Variants in DENND4B observed in about 807,000 individuals in gnomAD.
DENND4B encodes DENN domain-containing protein 4B.
DENND4B carries 67 observed loss-of-function variants against 161.0 expected under a neutral mutation model. That is an observed-to-expected ratio of 0.42 (90% CI 0.34 to 0.51). The LOEUF (loss-of-function observed/expected upper bound fraction) is 0.51. Among genes scored for constraint, DENND4B ranks in the 20% least tolerant of loss-of-function variants. The pLI is 0.08. For synonymous variants in DENND4B, 753 were observed against 813.8 expected (o/e 0.93, Z 1.27); for missense variants, 1,481 against 1,968.0 (o/e 0.75, Z 4.68).
rs773880379 is a variant in DENND4B, at chr1:153,942,014, C to T, written c.910G>A (p.Gly304Ser). The change falls in exon 6 of 28, where the codon GGT becomes AGT. Residue 304 changes from glycine to serine, a missense_variant. Gly to Ser is a moderately conservative substitution (Grantham distance 56). Coordinates refer to ENST00000361217, the MANE Select transcript of DENND4B (RefSeq NM_014856.3). This position sits in a 1 kb window ranked among gnomAD's most constrained non-coding sequence, Gnocchi z 6.9. Reference sequence around the variant, plus strand: ...ACAGCTCTGCCCCCCAGTGCCCGACCCCGCTCCACGGCGCTCAGCAGGCCC... The same window carrying T: ...ACAGCTCTGCCCCCCAGTGCCCGACTCCGCTCCACGGCGCTCAGCAGGCCC... ...ALGLLSAVERGRALGGRAVRS... is the reference protein window; with the variant it reads ...ALGLLSAVERSRALGGRAVRS... 5.0e-6 allele frequency: 8 copies of T among 1,611,792 alleles called. No individual in the cohort carries two copies. Among genetic ancestry groups the T allele is most frequent in the Non-Finnish European group, 5.9e-6 (7 of 1,179,204 alleles).
At chr1:153,946,810 G>A (rs901121031), upstream of DENND4B, 1 of 358,528 alleles carries the variant, frequency 2.8e-6, no homozygotes, top group African/African-American at 2.1e-5. This position sits in a 1 kb window ranked among gnomAD's most constrained non-coding sequence, Gnocchi z 6.3. Context: ...CCGTGCCTCA[G>A]GACACTGACC....
At position 153,944,354 on chromosome 1, in the gene DENND4B, G is replaced by T; in HGVS notation, c.21C>A (p.Pro7=). 1 of 1,607,698 alleles carries T rather than the reference G, an allele frequency of 6.2e-7. No homozygotes were observed. The highest frequency in any genetic ancestry group is 1.1e-5 in the South Asian group (1 of 90,376). The change falls in exon 2 of 28, where the codon CCC becomes CCA. Residue 7 remains proline, a synonymous_variant. Coordinates refer to ENST00000361217, the MANE Select transcript of DENND4B (RefSeq NM_014856.3). This position sits in a 1 kb window ranked among gnomAD's most constrained non-coding sequence, Gnocchi z 4.8. ...CTACCACGAAGTAATCCACCAGCCGGGGGGGCCGCTCCTCCGCCATGGCCC... is the reference window on the plus strand; with the variant it reads ...CTACCACGAAGTAATCCACCAGCCGTGGGGGCCGCTCCTCCGCCATGGCCC... MAEERP[P]RLVDYFVVAG... is the part of the protein sequence containing the mutation.
chr1:153,944,500 A>G lies in DENND4B; in HGVS notation c.-23-103T>C, dbSNP rs1257877668. 1.6e-6 allele frequency: 2 copies of G among 1,252,262 alleles called. No individual in the cohort carries two copies. The highest frequency in any genetic ancestry group is 3.1e-5 in the African/African-American group (2 of 65,472). The allele number at this position is 1,252,262 out of a possible 1,614,324, so 77.6% of individuals were successfully genotyped here. A position where few individuals can be genotyped will look rare whatever the true frequency, so the allele number is the denominator to read the frequency against. The stretch of plus-strand genomic sequence containing the variant: ...CCTCCTCTTCCTAGTCCTTCCAAAG[A>G]AAGGCAGGATAAGGGGTCGGCCAAT... On this transcript the variant is annotated intron_variant, in intron 1 of 27. Transcript: ENST00000361217. The surrounding 1 kb of genome is among the most constrained non-coding windows in gnomAD (Gnocchi z 4.8).
Position 153,932,142 on chromosome 1 carries a change from G to T in DENND4B, c.3996+62C>A. 6.9e-7 allele frequency: 1 copy of T among 1,455,340 alleles called. No homozygotes were observed. Among genetic ancestry groups the T allele is most frequent in the South Asian group, 1.2e-5 (1 of 80,972 alleles). The allele number at this position is 1,455,340 out of a possible 1,614,324, so 90.2% of individuals were successfully genotyped here. On this transcript the variant is annotated intron_variant, in intron 24 of 27. Transcript: ENST00000361217. The surrounding 1 kb of genome is among the most constrained non-coding windows in gnomAD (Gnocchi z 5.8). The stretch of plus-strand genomic sequence containing the variant: ...CTTTCTACAGTGCCAAGGACACAGT[G>T]GACAAATGGCTGAGAGATGAGGGAG...
upstream of DENND4B, chr1:153,946,776 C>A (rs575551376): frequency 3.2e-4 from 119 of 371,104 alleles, no homozygotes; most frequent in Non-Finnish European, 5.4e-4. This position sits in a 1 kb window ranked among gnomAD's most constrained non-coding sequence, Gnocchi z 6.3. Flanking sequence ...CCCCCTGCAC[C>A]CAGGTAGCTT....
rs1292744625 is a variant in DENND4B, at chr1:153,943,140, G to C, written c.318-10C>G. On this transcript the variant is annotated splice_polypyrimidine_tract_variant and intron_variant, in intron 2 of 27. Coordinates refer to ENST00000361217, the MANE Select transcript of DENND4B (RefSeq NM_014856.3). ...CCCCTCATACAACACCCTTGGCACA[G>C]AGAGCAAAGATAGATGTTGAGAGGT... 1 of 1,607,736 alleles carries C rather than the reference G, an allele frequency of 6.2e-7. No homozygotes were observed. The highest frequency in any genetic ancestry group is 1.1e-5 in the South Asian group (1 of 90,600).
chr1:153,932,608 C>G lies in DENND4B; in HGVS notation c.3759+34G>C. On this transcript the variant is annotated intron_variant, in intron 23 of 27. Coordinates refer to ENST00000361217, the MANE Select transcript of DENND4B (RefSeq NM_014856.3). This position sits in a 1 kb window ranked among gnomAD's most constrained non-coding sequence, Gnocchi z 5.8. ...CACAGGCCCCACACAGGGCAACATT[C>G]CCGTTCCTCATGCCCCTTTGGCCCA... The G allele has an allele frequency of 1.9e-6, 3 of 1,596,158 alleles. No homozygotes were observed. Among genetic ancestry groups the G allele is most frequent in the East Asian group, 2.2e-5 (1 of 44,564 alleles).
chr1:153,941,775 GCCCTCCC>G, intron 6 of DENND4B, 87 bp downstream of exon 6: 2 of 1,338,172 alleles, frequency 1.5e-6, no homozygotes, highest in Non-Finnish European at 2.1e-6. Context: ...CCTGTGCCCA[GCCCTCCC>G]CCCACCCACA....
chr1:153,937,639 T>A lies in DENND4B; in HGVS notation c.2106-25A>T. 6.2e-7 allele frequency: 1 copy of A among 1,611,716 alleles called. No individual in the cohort carries two copies. The highest frequency in any genetic ancestry group is 1.1e-5 in the South Asian group (1 of 90,924). On this transcript the variant is annotated intron_variant, in intron 14 of 27. Transcript: ENST00000361217. This position sits in a 1 kb window ranked among gnomAD's most constrained non-coding sequence, Gnocchi z 4.7. Reference sequence around the variant, plus strand: ...GCTGGAGGGGCAGAGAGAAGCAACATCGGGGCAGTCAGCACAGGGCGAAGC... The same window carrying A: ...GCTGGAGGGGCAGAGAGAAGCAACAACGGGGCAGTCAGCACAGGGCGAAGC...
chr1:153,935,933 G>T, intron 17 of DENND4B, 127 bp downstream of exon 17: 1 of 1,212,726 alleles, frequency 8.2e-7, no homozygotes, highest in Non-Finnish European at 1.2e-6. Flanking sequence ...CAATGTGGAT[G>T]ACAGTGGTTC....
Position 153,942,467 on chromosome 1 carries a change from ACT to A in DENND4B, c.640+87_640+88del. On this transcript the variant is annotated intron_variant, in intron 4 of 27. Coordinates refer to ENST00000361217, the MANE Select transcript of DENND4B (RefSeq NM_014856.3). This position sits in a 1 kb window ranked among gnomAD's most constrained non-coding sequence, Gnocchi z 6.9. ...GGCCCGAGTAGCAAAGAGAAAGTAAACTCTGGGGACACTTAAGGTGCCTGCCA... is the reference window on the plus strand; with the variant it reads ...GGCCCGAGTAGCAAAGAGAAAGTAAACTGGGGACACTTAAGGTGCCTGCCA... The A allele has an allele frequency of 6.4e-7, 1 of 1,561,978 alleles. No individual in the cohort carries two copies. The highest frequency in any genetic ancestry group is 8.7e-7 in the Non-Finnish European group (1 of 1,152,356).
upstream of DENND4B, chr1:153,946,788 C>T (rs543509910): frequency 3.5e-4 from 130 of 367,308 alleles, no homozygotes; most frequent in African/African-American, 2.4e-3. This position sits in a 1 kb window ranked among gnomAD's most constrained non-coding sequence, Gnocchi z 6.3. Flanking sequence ...AGGTAGCTTC[C>T]CACCATCCAG....
At chr1:153,939,828 G>T in intron 11 of DENND4B, 24 bp from the exon 12 acceptor site, 1 of 1,608,838 alleles carries the variant, frequency 6.2e-7, no homozygotes, top group South Asian at 1.1e-5. Context: ...CAGCCTAAGA[G>T]TCAGGGCTGG....
chr1:153,938,761 A>T (rs906530117), intron 13 of DENND4B, 139 bp downstream of exon 13: 1 of 450,488 alleles, frequency 2.2e-6, no homozygotes, highest in African/African-American at 2.1e-5. Context: ...AAATAAATAA[A>T]TAAATAAAAT....
Position 153,933,589 on chromosome 1 carries a change from C to T in DENND4B, c.3224G>A (p.Arg1075His), listed in dbSNP as rs560778783. 18 of 1,567,296 alleles carry T rather than the reference C, an allele frequency of 1.1e-5. No homozygotes were observed. Among genetic ancestry groups the T allele is most frequent in the South Asian group, 7.1e-5 (6 of 84,588 alleles). ...LTPSRHSPAS[R>H]IPPPELPPDL... Reference sequence around the variant, plus strand: ...AGGAGGCAGCTCAGGTGGGGGAATGCGGGAGGCAGGGGAGTGGCGGGAAGG... The same window carrying T: ...AGGAGGCAGCTCAGGTGGGGGAATGTGGGAGGCAGGGGAGTGGCGGGAAGG... Residue 1075 changes from arginine to histidine, a missense_variant, in exon 20 of 28, where the codon CGC becomes CAC. By Grantham distance (29) the Arg-to-His change is conservative (BLOSUM62 0). Transcript: ENST00000361217. This position sits in a 1 kb window ranked among gnomAD's most constrained non-coding sequence, Gnocchi z 5.7.
chr1:153,933,961 A>G lies in DENND4B; in HGVS notation c.2942-90T>C. On this transcript the variant is annotated intron_variant, in intron 19 of 27. Coordinates refer to ENST00000361217, the MANE Select transcript of DENND4B (RefSeq NM_014856.3). The surrounding 1 kb of genome is among the most constrained non-coding windows in gnomAD (Gnocchi z 5.7). The stretch of plus-strand genomic sequence containing the variant: ...AATAAACACAATTCCTGGCTGCACA[A>G]ACTCTGGTGCCACCACCCCCACCAT... 2.6e-6 allele frequency: 4 copies of G among 1,537,862 alleles called. No individual in the cohort carries two copies. The South Asian group carries it at 4.9e-5, about 19-fold the overall frequency.
chr1:153,945,499 G>A (rs1421390335), intron 1 of DENND4B, among the ~76,000 whole-genome samples: 1 of 152,036 alleles, frequency 6.6e-6, no homozygotes, highest in East Asian at 1.9e-4. Flanking sequence ...CCAGAGAACA[G>A]GGAATAAGGA....
Position 153,937,733 on chromosome 1 carries a change from G to A in DENND4B, c.2096C>T (p.Pro699Leu). ...GCTAAGAGACTCTCACCAGTACTGGGGAGTGGATTCACTGCCCTCTGGTAA... is the reference window on the plus strand; with the variant it reads ...GCTAAGAGACTCTCACCAGTACTGGAGAGTGGATTCACTGCCCTCTGGTAA... The part of the protein sequence containing the change: ...PALPEGSEST[P>L]QYCYDGFPEL... The change falls in exon 14 of 28, where the codon CCC (proline) becomes CTC (leucine). Residue 699 changes from proline to leucine, a missense_variant. Physicochemically the swap from Pro to Leu is moderately conservative, Grantham distance 98. Transcript: ENST00000361217. This position sits in a 1 kb window ranked among gnomAD's most constrained non-coding sequence, Gnocchi z 4.7. 1.2e-6 allele frequency: 2 copies of A among 1,614,052 alleles called. No homozygotes were observed. Among genetic ancestry groups the A allele is most frequent in the Non-Finnish European group, 1.7e-6 (2 of 1,179,902 alleles).
chr1:153,941,191 T>G (rs1288971765), intron 8 of DENND4B, 40 bp downstream of exon 8: 4 of 1,610,674 alleles, frequency 2.5e-6, no homozygotes, highest in Non-Finnish European at 3.4e-6. Flanking sequence ...ACCATGTCCT[T>G]GGTCATTAAA....
Sources: gnomAD v4.1 joint callset for allele counts (sites outside exome capture counted in the v4.1 genomes callset) on GRCh38, gnomAD v4.1.1 for gene constraint, Gnocchi (gnomAD v3.1) non-coding constraint, MANE v1.5 for transcripts, NCBI Gene and HGNC (gene_info 2026-07-23, HGNC 2026-07-21) for gene names.